SPON1: variants seen among roughly 807,000 people sequenced by gnomAD.
SPON1 encodes the protein spondin-1.
Under a neutral mutation model 111.7 loss-of-function variants are expected in SPON1, and 52 were observed. The ratio of observed to expected loss-of-function variants is 0.47; its 90% CI spans 0.37 to 0.59. The LOEUF (loss-of-function observed/expected upper bound fraction) is 0.59, where lower values mean the gene tolerates loss of function less well. Among genes scored for constraint, SPON1 ranks in the 20% least tolerant of loss-of-function variants. The pLI, the probability that SPON1 is intolerant of heterozygous loss-of-function variation, is 0.00. For synonymous variants in SPON1, 410 were observed against 395.8 expected, an observed-to-expected ratio of 1.04 and a Z score of -0.43; for missense variants, 957 against 1,068.5, an observed-to-expected ratio of 0.90 and a Z score of 1.46.
chr11:13,962,861 T>C lies in SPON1; in HGVS notation c.-44T>C. On this transcript the variant is annotated 5_prime_UTR_variant, in exon 1 of 16. Transcript: ENST00000576479. Reference sequence around the variant, plus strand: ...GGGACCACTTCGGGCAGGAGTCGCGTGGCGAAGGCCTGCGGCCGCGGCACA... The same window carrying C: ...GGGACCACTTCGGGCAGGAGTCGCGCGGCGAAGGCCTGCGGCCGCGGCACA... The C allele has an allele frequency of 7.1e-7, 1 of 1,408,412 alleles. No homozygotes were observed. Among genetic ancestry groups the C allele is most frequent in the South Asian group, 1.5e-5 (1 of 64,620 alleles). 87.2% of individuals were successfully genotyped at this position (1,408,412 alleles called of 1,614,324 possible). A position where few individuals can be genotyped will look rare whatever the true frequency, so the allele number is the denominator to read the frequency against.
At chr11:14,127,836 G>A (rs1847478400) in intron 5 of SPON1, among the ~76,000 whole-genome samples, 1 of 152,198 alleles carries the variant, frequency 6.6e-6, no homozygotes, top group African/African-American at 2.4e-5. Flanking sequence ...GAGGCCTCAG[G>A]AAACTTACAG....
chr11:14,057,844 C>CAAAAAAAAAAAAAAACA (rs1277903384), intron 3 of SPON1, among the ~76,000 whole-genome samples: 1 of 125,460 alleles, frequency 8.0e-6, no homozygotes, highest in Non-Finnish European at 1.7e-5. Flanking sequence ...AAAAAAAAAA[C>CAAAAAAAAAAAAAAACA]AAAACAAAAA....
chr11:13,982,114 ATTAG>A (rs1848148756), intron 1 of SPON1, among the ~76,000 whole-genome samples: 1 of 152,180 alleles, frequency 6.6e-6, no homozygotes, highest in African/African-American at 2.4e-5. Context: ...ATTGTGTCTT[ATTAG>A]TTATTGTTGA....
chr11:14,048,334 A>G lies in SPON1; in HGVS notation c.479+6680A>G, dbSNP rs534565643. ...ATACCAACTGTGCTGCAGAGCCCTC[A>G]CTTGTAAAAAGGAGCATTTGTGTTG... is the stretch of plus-strand genomic sequence containing the variant. On this transcript the variant is annotated intron_variant, in intron 3 of 15. Transcript: ENST00000576479. 2.6e-5 allele frequency among the ~76,000 whole-genome samples: 4 copies of G among 152,326 alleles called. No individual in the cohort carries two copies. The Middle Eastern group carries it at 0.014, about 518-fold the overall frequency.
Position 14,096,843 on chromosome 11 carries a change from C to T in SPON1, c.676+16822C>T, listed in dbSNP as rs142200314. On this transcript the variant is annotated intron_variant, in intron 5 of 15. Coordinates refer to ENST00000576479, the MANE Select transcript of SPON1 (RefSeq NM_006108.4). ...CCTGTGGGACTGAGACTGGTATTGC[C>T]ACTTTTTCAGAAATTGATTCTTAGA... Among the ~76,000 whole-genome samples, 496 of 152,286 alleles carry T rather than the reference C, an allele frequency of 3.3e-3. 3 individuals carry two copies. Among genetic ancestry groups the T allele is most frequent in the South Asian group, 0.018 (86 of 4,826 alleles).
chr11:14,218,089 C>T (rs1165480395), intron 6 of SPON1, among the ~76,000 whole-genome samples: 2 of 152,158 alleles, frequency 1.3e-5, no homozygotes, highest in African/African-American at 4.8e-5. Flanking sequence ...GTATGATTAT[C>T]ATATTCATAT....
rs1395957454 is a variant in SPON1 at position 13,963,059 on chromosome 11, G to A, written c.155G>A (p.Gly52Asp). The A allele has an allele frequency of 1.3e-6, 2 of 1,576,652 alleles. No homozygotes were observed. The highest frequency in any genetic ancestry group is 1.4e-5 in the African/African-American group (1 of 73,174). Residue 52 changes from glycine to aspartate, a missense_variant, in exon 1 of 16, where the codon GGC (glycine) becomes GAC (aspartate). This residue lies in a region of SPON1 where 262 missense variants were observed against 253.9 expected (regional missense o/e 1.03). Transcript: ENST00000576479. ...GYCSRILRAQ[G>D]TRREGYTEFS... ...TGCAGCCGTATCCTGCGCGCCCAGG[G>A]CACGCGGCGCGAGGGCTACACCGAG...
At chr11:14,264,649 G>A (rs1212962096) in intron 15 of SPON1, among the ~76,000 whole-genome samples, 2 of 152,154 alleles carry the variant, frequency 1.3e-5, no homozygotes, top group African/African-American at 2.4e-5. Flanking sequence ...CCTACTATGT[G>A]GCAGGTACAT....
intron 6 of SPON1, among the ~76,000 whole-genome samples, chr11:14,155,349 G>C (rs1554930261): frequency 6.6e-6 from 1 of 152,150 alleles, no homozygotes; most frequent in Non-Finnish European, 1.5e-5. Context: ...TTGGCTCACA[G>C]TTCCACAGGC....
intron 1 of SPON1, among the ~76,000 whole-genome samples, chr11:13,974,985 C>T (rs1591337258): frequency 6.6e-6 from 1 of 152,168 alleles, no homozygotes; most frequent in Non-Finnish European, 1.5e-5. Flanking sequence ...CTGTTGATTC[C>T]CTTGTCCACT....
chr11:14,237,227 A>C (rs1457814026), intron 6 of SPON1, among the ~76,000 whole-genome samples: 1 of 152,194 alleles, frequency 6.6e-6, no homozygotes, highest in Non-Finnish European at 1.5e-5. Context: ...TTTTTTGTGC[A>C]TGGCAACTGG....
rs1480959000 is a variant in SPON1, at chr11:14,265,684, T to C, written c.2421T>C (p.Cys807=). ...KEIRACNVHP[C] ...TCAGAGCATGCAATGTTCATCCTTG[T>C]TAGCAAGGGTACGAGTTCCCCAGGG... The change falls in exon 16 of 16, where the codon TGT becomes TGC. Residue 807 remains cysteine (C), a synonymous_variant. Coordinates refer to ENST00000576479, the MANE Select transcript of SPON1 (RefSeq NM_006108.4). The C allele has an allele frequency of 6.2e-7, 1 of 1,613,052 alleles. No individual in the cohort carries two copies. Among genetic ancestry groups the C allele is most frequent in the Non-Finnish European group, 8.5e-7 (1 of 1,179,582 alleles).
intron 5 of SPON1, among the ~76,000 whole-genome samples, chr11:14,123,203 G>T (rs1847414283): frequency 6.6e-6 from 1 of 151,972 alleles, no homozygotes; most frequent in Non-Finnish European, 1.5e-5. Flanking sequence ...AAAGTGCTGG[G>T]ATTACAGGCA....
chr11:14,111,566 A>G (rs1290104957), intron 5 of SPON1, among the ~76,000 whole-genome samples: 3 of 152,230 alleles, frequency 2.0e-5, no homozygotes, highest in Admixed American at 6.5e-5. Context: ...AAAACTGCTG[A>G]AGCTAACAGC....
At chr11:14,030,864 C>G (rs146970017) in intron 2 of SPON1, among the ~76,000 whole-genome samples, 4 of 152,218 alleles carry the variant, frequency 2.6e-5, no homozygotes, top group Non-Finnish European at 4.4e-5. Flanking sequence ...GGTATATATG[C>G]AAAGGAAAAT....
At chr11:14,082,039 G>A (rs782780118) in intron 5 of SPON1, among the ~76,000 whole-genome samples, 36 of 152,204 alleles carry the variant, frequency 2.4e-4, no homozygotes, top group African/African-American at 7.9e-4. Flanking sequence ...GAACAAGCAC[G>A]ATGGAAAAAT....
intron 1 of SPON1, among the ~76,000 whole-genome samples, chr11:13,978,903 G>T (rs1848123177): frequency 6.6e-6 from 1 of 152,234 alleles, no homozygotes; most frequent in Non-Finnish European, 1.5e-5. Context: ...GAGAGGCAGA[G>T]CCTGAGGGCT....
intron 6 of SPON1, among the ~76,000 whole-genome samples, chr11:14,176,707 G>A (rs1322628947): frequency 2.6e-5 from 4 of 152,150 alleles, no homozygotes; most frequent in Admixed American, 6.5e-5. Flanking sequence ...ACATTGGGTC[G>A]GCAGTGCCCC....
At chr11:14,118,603 G>C (rs1223223874) in intron 5 of SPON1, among the ~76,000 whole-genome samples, 2 of 152,130 alleles carry the variant, frequency 1.3e-5, no homozygotes, top group African/African-American at 2.4e-5. Context: ...TCCAAAGAAG[G>C]CTGAAGTCTA....
Sources: allele counts gnomAD v4.1 joint callset (sites outside exome capture counted in the v4.1 genomes callset), GRCh38; gene constraint gnomAD v4.1.1; regional missense constraint gnomAD v4.1.1; transcripts MANE v1.5; gene names NCBI Gene and HGNC (gene_info 2026-07-23, HGNC 2026-07-21).